The following GALNT18 variants were observed in gnomAD, a reference collection of about 807,000 sequenced individuals.
The protein encoded by GALNT18 is polypeptide N-acetylgalactosaminyltransferase 18.
A neutral mutation model predicts 69.5 loss-of-function variants in GALNT18; 44 were observed. The observed-to-expected ratio is 0.63, with a 90% confidence interval of 0.50 to 0.81. The LOEUF (loss-of-function observed/expected upper bound fraction) is 0.81, where lower values mean the gene tolerates loss of function less well. Ranked by LOEUF, GALNT18 falls within the 40% of genes least tolerant of loss-of-function variation. The pLI, the probability that GALNT18 is intolerant of heterozygous loss-of-function variation, is 0.00. For missense variants in GALNT18, 715 were observed against 810.0 expected (o/e 0.88, Z 1.42); for synonymous variants, 364 against 318.2 (o/e 1.14, Z -1.53).
chr11:11,276,137 C>T (rs1848941346), intron 10 of GALNT18, among the ~76,000 whole-genome samples: 1 of 152,180 alleles, frequency 6.6e-6, no homozygotes, highest in Non-Finnish European at 1.5e-5. Flanking sequence ...TGGCCATTTT[C>T]ATGATATTGA....
chr11:11,547,564 C>T (rs1486430439), intron 1 of GALNT18, among the ~76,000 whole-genome samples: 1 of 152,190 alleles, frequency 6.6e-6, no homozygotes, highest in Non-Finnish European at 1.5e-5. Flanking sequence ...CTGCAGGAAG[C>T]CCCTCTTTGA....
At position 11,327,068 on chromosome 11, in the gene GALNT18, A is replaced by G. The variant is rs369750746; in HGVS notation, c.1512+18T>C. ...TCATATGCACACTCCTGGCACAGGA[A>G]TCTCTTAGAGGACTCACCTGAGGCG... On this transcript the variant is annotated intron_variant, in intron 9 of 10. Coordinates refer to ENST00000227756, the MANE Select transcript of GALNT18 (RefSeq NM_198516.3). 3.2e-5 allele frequency: 50 copies of G among 1,574,282 alleles called. No individual in the cohort carries two copies. The highest frequency in any genetic ancestry group is 5.5e-5 in the South Asian group (5 of 90,308).
chr11:11,409,953 T>C (rs1198269396), intron 3 of GALNT18, among the ~76,000 whole-genome samples: 3 of 152,216 alleles, frequency 2.0e-5, no homozygotes, highest in Non-Finnish European at 4.4e-5. Context: ...CAACTAGAAG[T>C]TAACTCAAAG....
intron 1 of GALNT18, among the ~76,000 whole-genome samples, chr11:11,568,118 G>A (rs1590106066): frequency 6.6e-6 from 1 of 152,342 alleles, no homozygotes; most frequent in African/African-American, 2.4e-5. Context: ...GCCTCTTGCT[G>A]TTCTCAACCA....
chr11:11,298,449 G>A (rs141607185), intron 9 of GALNT18, among the ~76,000 whole-genome samples: 3 of 152,356 alleles, frequency 2.0e-5, no homozygotes, highest in Admixed American at 2.0e-4. Context: ...GCAAGGCTGA[G>A]TTCTGGCAGC....
chr11:11,560,031 AGGATAGGATGGGATGGGATG>A (rs1379707588), intron 1 of GALNT18, among the ~76,000 whole-genome samples: 9 of 51,544 alleles, frequency 1.7e-4, no homozygotes, highest in Non-Finnish European at 3.0e-4. Flanking sequence ...GGAATGGGAT[AGGATAGGATGGGATGGGATG>A]GGATAGGATG....
intron 7 of GALNT18, among the ~76,000 whole-genome samples, chr11:11,334,776 C>T (rs1850081432): frequency 6.6e-6 from 1 of 152,182 alleles, no homozygotes; most frequent in Admixed American, 6.5e-5. Context: ...TAGCCTTTCT[C>T]TGCTGGACTC....
chr11:11,352,657 T>C (rs1236077650), intron 6 of GALNT18: 8 of 1,614,196 alleles, frequency 5.0e-6, no homozygotes, highest in Non-Finnish European at 4.2e-6. Flanking sequence ...TTGACATCTC[T>C]GTGCATAATT....
At chr11:11,300,373 C>T (rs981557854) in intron 9 of GALNT18, among the ~76,000 whole-genome samples, 4 of 152,158 alleles carry the variant, frequency 2.6e-5, no homozygotes, top group African/African-American at 9.7e-5. Context: ...TATTGGGACA[C>T]TGTTTACAAG....
chr11:11,581,135 G>A (rs2133908412), intron 1 of GALNT18, among the ~76,000 whole-genome samples: 1 of 152,346 alleles, frequency 6.6e-6, no homozygotes, highest in Admixed American at 6.5e-5. Context: ...GGCAGCCAGA[G>A]AGACTTCCAA....
At chr11:11,381,541 C>T (rs1391651485) in intron 3 of GALNT18, among the ~76,000 whole-genome samples, 2 of 152,224 alleles carry the variant, frequency 1.3e-5, no homozygotes, top group African/African-American at 4.8e-5. Flanking sequence ...TCTCTGAATT[C>T]ACATCTTTGT....
At position 11,523,875 on chromosome 11, in the gene GALNT18, C is replaced by T. The variant is rs1337747955; in HGVS notation, c.236-74939G>A. ...TGGAATTGCCAAGAGAGGTAGCGAA[C>T]CAGGCTCTCAGGTCACCAAGAACAT... On this transcript the variant is annotated intron_variant, in intron 1 of 10. Transcript: ENST00000227756. The surrounding 1 kb of genome is among the most constrained non-coding windows in gnomAD (Gnocchi z 4.3). Among the ~76,000 whole-genome samples, 1 of 152,078 alleles carries T rather than the reference C, an allele frequency of 6.6e-6. No individual in the cohort carries two copies. Among genetic ancestry groups the T allele is most frequent in the Non-Finnish European group, 1.5e-5 (1 of 67,990 alleles).
chr11:11,473,544 T>A (rs953660817), intron 1 of GALNT18, among the ~76,000 whole-genome samples: 2 of 152,074 alleles, frequency 1.3e-5, no homozygotes, highest in African/African-American at 4.8e-5. Context: ...GATGGCAGAG[T>A]GTGCAGACGG....
At chr11:11,350,811 G>C (rs1275462499) in intron 6 of GALNT18, among the ~76,000 whole-genome samples, 1 of 152,198 alleles carries the variant, frequency 6.6e-6, no homozygotes, top group Non-Finnish European at 1.5e-5. Flanking sequence ...GAACCCACAA[G>C]AGAAGCAATC....
In GALNT18 at chr11:11,555,349, G is replaced by C. The variant is rs1035345817; in HGVS notation, c.235+66010C>G. Among the ~76,000 whole-genome samples, 3 of 152,214 alleles carry C rather than the reference G, an allele frequency of 2.0e-5. No homozygotes were observed. The highest frequency in any genetic ancestry group is 4.4e-5 in the Non-Finnish European group (3 of 68,040). On this transcript the variant is annotated intron_variant, in intron 1 of 10. Coordinates refer to ENST00000227756, the MANE Select transcript of GALNT18 (RefSeq NM_198516.3). This position sits in a 1 kb window ranked among gnomAD's most constrained non-coding sequence, Gnocchi z 4.7. ...CAGTGTAAACGTTTGCCAGAAACAG[G>C]CTTCTCATCTTCCCCAACCCCAGCT...
rs1490171400 is a variant in GALNT18, at chr11:11,340,170, A to C, written c.1278+649T>G. Among the ~76,000 whole-genome samples the C allele has an allele frequency of 1.3e-5, 2 of 152,182 alleles. No individual in the cohort carries two copies. The highest frequency in any genetic ancestry group is 2.9e-5 in the Non-Finnish European group (2 of 68,026). On this transcript the variant is annotated intron_variant, in intron 7 of 10. Coordinates refer to ENST00000227756, the MANE Select transcript of GALNT18 (RefSeq NM_198516.3). This position sits in a 1 kb window ranked among gnomAD's most constrained non-coding sequence, Gnocchi z 4.2. ...ATTTCCACATGTTTCACCTTGACACATGGCAGGGCTAAACAAAACTACCAG... is the reference window on the plus strand; with the variant it reads ...ATTTCCACATGTTTCACCTTGACACCTGGCAGGGCTAAACAAAACTACCAG...
At chr11:11,395,241 C>G (rs1422145322) in intron 3 of GALNT18, among the ~76,000 whole-genome samples, 1 of 152,144 alleles carries the variant, frequency 6.6e-6, no homozygotes, top group Non-Finnish European at 1.5e-5. Context: ...GCTGCTGGCC[C>G]AAGAGAGCCA....
chr11:11,462,436 C>G (rs951076071), intron 1 of GALNT18, among the ~76,000 whole-genome samples: 3 of 151,858 alleles, frequency 2.0e-5, no homozygotes, highest in Non-Finnish European at 4.4e-5. Flanking sequence ...GCCACCACAC[C>G]CGGCTAATTT....
intron 1 of GALNT18, among the ~76,000 whole-genome samples, chr11:11,567,792 A>G (rs1858688589): frequency 6.6e-6 from 1 of 152,218 alleles, no homozygotes; most frequent in African/African-American, 2.4e-5. Flanking sequence ...AATTCTTAAA[A>G]AGTCTTTCTG....
Sources: gnomAD v4.1 joint callset for allele counts (sites outside exome capture counted in the v4.1 genomes callset) on GRCh38, gnomAD v4.1.1 for gene constraint, Gnocchi (gnomAD v3.1) non-coding constraint, MANE v1.5 for transcripts, NCBI Gene and HGNC (gene_info 2026-07-23, HGNC 2026-07-21) for gene names.